Variants in PEBP4 observed in about 807,000 individuals in gnomAD.
PEBP4 encodes phosphatidylethanolamine-binding protein 4.
Under a neutral mutation model 23.9 loss-of-function variants are expected in PEBP4, and 22 were observed. The ratio of observed to expected loss-of-function variants is 0.92; its 90% CI spans 0.66 to 1.31. The LOEUF (loss-of-function observed/expected upper bound fraction) is 1.31. PEBP4 is among the 40% of genes most tolerant of loss of function. The pLI is 0.00. For missense variants in PEBP4, 324 were observed against 281.7 expected, an observed-to-expected ratio of 1.15 and a Z score of -1.07; for synonymous variants, 112 against 99.3, an observed-to-expected ratio of 1.13 and a Z score of -0.76.
intron 1 of PEBP4, among the ~76,000 whole-genome samples, chr8:22,940,257 A>C (rs1485626792): frequency 6.6e-6 from 1 of 152,202 alleles, no homozygotes; most frequent in South Asian, 2.1e-4. Context: ...AACTCACTAC[A>C]TCTGTCAGAA....
chr8:22,862,455 G>A (rs949578002), intron 3 of PEBP4, among the ~76,000 whole-genome samples: 1 of 152,128 alleles, frequency 6.6e-6, no homozygotes, highest in African/African-American at 2.4e-5. Context: ...CTTAAGGGAA[G>A]GGACCAAGGG....
intron 3 of PEBP4, among the ~76,000 whole-genome samples, chr8:22,902,592 C>T (rs960351043): frequency 2.6e-4 from 39 of 152,292 alleles, no homozygotes. Context: ...GTGGCCTGGA[C>T]ACCTGGACTC....
chr8:22,927,534 C>T (rs73218763), intron 2 of PEBP4, 50 bp downstream of exon 2: 297,703 of 1,566,614 alleles, frequency 0.19, 29,332 homozygotes, highest in South Asian at 0.24. Context: ...CTGCCATCTA[C>T]CTGCCTGGTA....
chr8:22,724,999 A>G (rs1804595081), intron 5 of PEBP4, 43 bp from the exon 6 acceptor site: 1 of 1,524,024 alleles, frequency 6.6e-7, no homozygotes, highest in African/African-American at 1.4e-5. Flanking sequence ...AACATCCCAT[A>G]CTACCGAGGG....
chr8:22,891,165 A>G (rs1354267044), intron 3 of PEBP4, among the ~76,000 whole-genome samples: 2 of 152,146 alleles, frequency 1.3e-5, no homozygotes, highest in African/African-American at 4.8e-5. Flanking sequence ...TATGCAGCAT[A>G]ATGACCTTGA....
intron 4 of PEBP4, among the ~76,000 whole-genome samples, chr8:22,787,873 C>A (rs1446560092): frequency 6.6e-6 from 1 of 152,100 alleles, no homozygotes; most frequent in African/African-American, 2.4e-5. Flanking sequence ...TTCAGCTCAG[C>A]CTTAAAAGAA....
chr8:22,837,614 G>A (rs572465232), intron 3 of PEBP4, among the ~76,000 whole-genome samples: 2 of 152,186 alleles, frequency 1.3e-5, no homozygotes, highest in Admixed American at 6.5e-5. Flanking sequence ...CCACACAGAC[G>A]GAGGATGTTT....
intron 3 of PEBP4, among the ~76,000 whole-genome samples, chr8:22,850,620 G>A (rs1807532545): frequency 6.6e-6 from 1 of 152,202 alleles, no homozygotes; most frequent in African/African-American, 2.4e-5. Flanking sequence ...TATGAGCCTA[G>A]CTCTGTCTGT....
At chr8:22,915,106 T>A (rs1809045838) in intron 3 of PEBP4, among the ~76,000 whole-genome samples, 1 of 152,066 alleles carries the variant, frequency 6.6e-6, no homozygotes, top group Non-Finnish European at 1.5e-5. Context: ...CTCTATGGGT[T>A]CCACGTCCTT....
chr8:22,819,923 AG>A (rs1344084669), intron 3 of PEBP4, among the ~76,000 whole-genome samples: 6 of 152,038 alleles, frequency 3.9e-5, no homozygotes, highest in Non-Finnish European at 8.8e-5. Context: ...TTTTTTAAAG[AG>A]GGGGATGATG....
chr8:22,864,876 G>T (rs1807853865), intron 3 of PEBP4, among the ~76,000 whole-genome samples: 1 of 152,210 alleles, frequency 6.6e-6, no homozygotes, highest in South Asian at 2.1e-4. Context: ...GAACTGACCC[G>T]CAGCGCACCC....
chr8:22,732,522 A>G (rs971690555), intron 4 of PEBP4, among the ~76,000 whole-genome samples: 1 of 152,174 alleles, frequency 6.6e-6, no homozygotes, highest in African/African-American at 2.4e-5. Flanking sequence ...TTACCTGTGT[A>G]ACAAACCTGC....
intron 3 of PEBP4, among the ~76,000 whole-genome samples, chr8:22,868,918 C>T (rs1267184600): frequency 2.6e-5 from 4 of 152,134 alleles, no homozygotes; most frequent in African/African-American, 4.8e-5. Context: ...TCATCTCGCT[C>T]CTCTACTCAA....
intron 3 of PEBP4, among the ~76,000 whole-genome samples, chr8:22,919,929 G>T (rs1032168353): frequency 6.6e-6 from 1 of 152,176 alleles, no homozygotes; most frequent in Admixed American, 6.5e-5. Flanking sequence ...CAGAGCAGGG[G>T]AGCAGGAAAA....
At chr8:22,807,659 C>T (rs1338827374) in intron 4 of PEBP4, among the ~76,000 whole-genome samples, 1 of 152,074 alleles carries the variant, frequency 6.6e-6, no homozygotes, top group African/African-American at 2.4e-5. Flanking sequence ...TACGCTGTTC[C>T]TTTCCTGAAA....
At chr8:22,809,507 G>A (rs1465613295) in intron 4 of PEBP4, among the ~76,000 whole-genome samples, 2 of 152,160 alleles carry the variant, frequency 1.3e-5, no homozygotes, top group African/African-American at 2.4e-5. Context: ...AGACTCTGGA[G>A]TAGCAATATG....
chr8:22,857,735 C>T (rs1807686019), intron 3 of PEBP4, among the ~76,000 whole-genome samples: 4 of 152,158 alleles, frequency 2.6e-5, no homozygotes, highest in South Asian at 2.1e-4. Flanking sequence ...AAGCCAGCAT[C>T]GAATACTGAA....
At chr8:22,864,737 A>C in intron 3 of PEBP4, among the ~76,000 whole-genome samples, 1 of 152,260 alleles carries the variant, frequency 6.6e-6, no homozygotes, top group South Asian at 2.1e-4. Flanking sequence ...GGCAGAGCTC[A>C]GGAAAGGGCG....
intron 4 of PEBP4, among the ~76,000 whole-genome samples, chr8:22,807,283 C>T (rs1046314811): frequency 7.2e-5 from 11 of 152,132 alleles, no homozygotes; most frequent in Non-Finnish European, 7.4e-5. Context: ...AGATCTGAGA[C>T]AATAGAAGCA....
Sources: allele counts gnomAD v4.1 joint callset (sites outside exome capture counted in the v4.1 genomes callset), GRCh38; gene constraint gnomAD v4.1.1; transcripts MANE v1.5; gene names NCBI Gene and HGNC (gene_info 2026-07-23, HGNC 2026-07-21).